Variants in TRMT2B observed in about 807,000 individuals in gnomAD.
The protein encoded by TRMT2B is tRNA methyltransferase 2B.
In TRMT2B, 34 loss-of-function variants were observed where a neutral mutation model predicts 39.7. That is an observed-to-expected ratio of 0.86 (90% CI 0.65 to 1.14). The LOEUF (loss-of-function observed/expected upper bound fraction) is 1.14. TRMT2B is among the 50% of genes most tolerant of loss of function. TRMT2B has a pLI of 0.00. For missense variants in TRMT2B, 318 were observed against 377.2 expected, an observed-to-expected ratio of 0.84 and a Z score of 1.30; for synonymous variants, 132 against 137.3, an observed-to-expected ratio of 0.96 and a Z score of 0.27.
Position 101,051,251 on chromosome X carries a change from CT to C in TRMT2B, c.-25del, listed in dbSNP as rs2089072721. ...AAAGAGACTATGTGGTAGGTCTCAC[CT>C]GCGCAGGGCCAAGGATCCCTTTTGG... On this transcript the variant is annotated splice_region_variant and 5_prime_UTR_variant, in exon 2 of 14. Transcript: ENST00000372936. 1 of 750,389 alleles carries C rather than the reference CT, an allele frequency of 1.3e-6. No homozygotes were observed. The highest frequency in any genetic ancestry group is 1.6e-6 in the Non-Finnish European group (1 of 638,008). 61.8% of individuals were successfully genotyped at this position (750,389 alleles called of 1,213,427 possible).
chrX:101,028,674 C>G (rs555735170), intron 7 of TRMT2B, among the ~76,000 whole-genome samples: 8 of 111,943 alleles, frequency 7.1e-5, no homozygotes, highest in African/African-American at 2.6e-4. Context: ...CCCATCAAAA[C>G]CTCTGATGGT....
In TRMT2B at chrX:101,020,520, C is replaced by T; in HGVS notation, c.1135G>A (p.Val379Met). The T allele has an allele frequency of 8.3e-7, 1 of 1,210,961 alleles. No individual in the cohort carries two copies. Among genetic ancestry groups the T allele is most frequent in the Non-Finnish European group, 1.1e-6 (1 of 894,749 alleles). Residue 379 changes from valine to methionine, a missense_variant, in exon 11 of 14, where the codon GTG becomes ATG. Val to Met is a conservative substitution (Grantham distance 21, BLOSUM62 1). Transcript: ENST00000372936. ...VLGIELLEQAVEDARWTAAFN... is the reference protein window; with the variant it reads ...VLGIELLEQAMEDARWTAAFN... ...GCTGCAGTCCATCTTGCATCCTCCA[C>T]TGCCTGCTCCAACAATTCAATCCCA...
chrX:101,042,049 G>C lies in TRMT2B; in HGVS notation c.241C>G (p.Gln81Glu), dbSNP rs776519472. The change falls in exon 3 of 14, where the codon CAG (glutamine) becomes GAG (glutamate). Residue 81 changes from glutamine to glutamate, a missense_variant. Physicochemically the swap from Gln to Glu is conservative, Grantham distance 29. Transcript: ENST00000372936. Reference protein sequence around the residue: ...SHLGPLDGSWQERLADVVTPL... With the variant: ...SHLGPLDGSWEERLADVVTPL... ...CATCAGCCTGGCCTTTACCTTTCCT[G>C]CCAGGAACCATCTAGTGGTCCAAGA... is the stretch of plus-strand genomic sequence containing the variant. 12 of 1,211,424 alleles carry C rather than the reference G, an allele frequency of 9.9e-6. No homozygotes were observed. In the South Asian group the frequency reaches 2.1e-4, roughly 21 times the overall value.
intron 13 of TRMT2B, among the ~76,000 whole-genome samples, chrX:101,016,904 G>A (rs1171376363): frequency 9.0e-6 from 1 of 111,325 alleles, no homozygotes; most frequent in Non-Finnish European, 1.9e-5. Context: ...GCCGGGTACG[G>A]TGGCTCATGC....
chrX:100,975,247 C>T, the TRMT2B span, among the ~76,000 whole-genome samples: 159 of 111,668 alleles, frequency 1.4e-3, no homozygotes, highest in Admixed American at 5.4e-3. Flanking sequence ...AAATGACTTG[C>T]CATCCCCCTT....
chrX:101,038,084 C>T (rs754512246), intron 4 of TRMT2B, 33 bp from the exon 5 acceptor site: 1 of 1,198,822 alleles, frequency 8.3e-7, no homozygotes, highest in Non-Finnish European at 1.1e-6. Flanking sequence ...AAACGAAATA[C>T]TGGCTGGGCA....
Position 101,023,416 on chromosome X carries a change from G to C in TRMT2B, c.756+54C>G, listed in dbSNP as rs755875167. Reference sequence around the variant, plus strand: ...TGAAACTTCCAAAAAACCAATTACAGTTATAGTTAGTAGTAGTAAAAGTTA... The same window carrying C: ...TGAAACTTCCAAAAAACCAATTACACTTATAGTTAGTAGTAGTAAAAGTTA... On this transcript the variant is annotated intron_variant, in intron 8 of 13. Coordinates refer to ENST00000372936, the MANE Select transcript of TRMT2B (RefSeq NM_024917.6). 1.2e-3 allele frequency: 1,441 copies of C among 1,159,613 alleles called. 1 individual carries two copies. Among genetic ancestry groups the C allele is most frequent in the Non-Finnish European group, 1.6e-3 (1,352 of 853,508 alleles).
intron 11 of TRMT2B, 71 bp from the exon 12 acceptor site, chrX:101,019,474 G>A (rs1020806739): frequency 7.0e-6 from 8 of 1,150,279 alleles, no homozygotes; most frequent in Non-Finnish European, 8.2e-6. Flanking sequence ...TCACAGAAAC[G>A]CACAGGAGCC....
downstream of TRMT2B, among the ~76,000 whole-genome samples, chrX:101,004,562 C>T (rs2086088368): frequency 9.1e-6 from 1 of 110,338 alleles, no homozygotes; most frequent in Non-Finnish European, 1.9e-5. Context: ...AGTGCAATGG[C>T]ACAATCTCAG....
At chrX:101,018,641 T>C (rs2086645504) in intron 13 of TRMT2B, among the ~76,000 whole-genome samples, 1 of 110,121 alleles carries the variant, frequency 9.1e-6, no homozygotes, top group African/African-American at 3.3e-5. Flanking sequence ...TTAGTAGACA[T>C]GGGGTTTCAC....
At chrX:101,049,768 CAA>C (rs982259654) in intron 2 of TRMT2B, among the ~76,000 whole-genome samples, 13 of 76,133 alleles carry the variant, frequency 1.7e-4, no homozygotes, top group African/African-American at 6.7e-4. Flanking sequence ...CCAGCCTGGG[CAA>C]GAGACTCCTT....
downstream of TRMT2B, among the ~76,000 whole-genome samples, chrX:101,005,642 C>G: frequency 9.5e-6 from 1 of 104,951 alleles, no homozygotes; most frequent in Admixed American, 1.1e-4. Context: ...TCTGGGAGGC[C>G]GAGGCGGGCA....
intron 4 of TRMT2B, among the ~76,000 whole-genome samples, chrX:101,039,890 C>T (rs1259614397): frequency 9.5e-6 from 1 of 105,195 alleles, no homozygotes; most frequent in Non-Finnish European, 1.9e-5. Flanking sequence ...CAGAGTGAGA[C>T]GCTATCTAAA....
the TRMT2B span, chrX:100,985,728 G>A: frequency 1.7e-6 from 2 of 1,210,831 alleles, no homozygotes; most frequent in Non-Finnish European, 2.2e-6. Flanking sequence ...TGTTAGATGA[G>A]TATGAACTTT....
At chrX:101,040,896 G>T (rs1602655890) in intron 4 of TRMT2B, among the ~76,000 whole-genome samples, 1 of 111,720 alleles carries the variant, frequency 9.0e-6, no homozygotes, top group East Asian at 2.8e-4. Context: ...TTAAGAAGCT[G>T]CTTGGGATTC....
At chrX:100,974,676 A>T in the TRMT2B span, among the ~76,000 whole-genome samples, 1 of 111,602 alleles carries the variant, frequency 9.0e-6, no homozygotes, top group Admixed American at 9.6e-5. Context: ...AGAGAGTTGG[A>T]GCTTGAGAAA....
chrX:101,010,492 C>T lies in TRMT2B; in HGVS notation c.*89G>A, dbSNP rs996111982. On this transcript the variant is annotated 3_prime_UTR_variant, in exon 14 of 14. Transcript: ENST00000372936. ...AAGATTGGTTTCCACTGTAATGCTC[C>T]CAGGGTCTGCAATGTAGCAATATGC... is the stretch of plus-strand genomic sequence containing the variant. 5 of 1,051,151 alleles carry T rather than the reference C, an allele frequency of 4.8e-6. No individual in the cohort carries two copies. Among genetic ancestry groups the T allele is most frequent in the Non-Finnish European group, 6.6e-6 (5 of 763,186 alleles). The allele number at this position is 1,051,151 out of a possible 1,213,427, so 86.6% of individuals were successfully genotyped here. A position where few individuals can be genotyped will look rare whatever the true frequency, so the allele number is the denominator to read the frequency against.
the TRMT2B span, among the ~76,000 whole-genome samples, chrX:100,975,929 C>T: frequency 3.6e-5 from 4 of 110,822 alleles, no homozygotes; most frequent in South Asian, 3.9e-4. Context: ...CCACTGCGCC[C>T]GGCGACATGT....
At chrX:101,038,687 C>T (rs1007038370) in intron 4 of TRMT2B, among the ~76,000 whole-genome samples, 2 of 112,133 alleles carry the variant, frequency 1.8e-5, no homozygotes, top group African/African-American at 6.5e-5. Context: ...ATACAGTGGC[C>T]ACTAGCTATA....
Sources: allele counts gnomAD v4.1 joint callset (sites outside exome capture counted in the v4.1 genomes callset), GRCh38; gene constraint gnomAD v4.1.1; transcripts MANE v1.5; gene names NCBI Gene and HGNC (gene_info 2026-07-23, HGNC 2026-07-21).